The following SSPN variants were observed in gnomAD, a reference collection of about 807,000 sequenced individuals.
SSPN encodes the protein sarcospan.
In SSPN, 15 loss-of-function variants were observed where a neutral mutation model predicts 19.1. That is an observed-to-expected ratio of 0.78 (90% CI 0.52 to 1.21). The LOEUF is 1.21. Among genes scored for constraint, SSPN ranks in the 50% most tolerant of loss-of-function variants. The probability of loss-of-function intolerance (pLI) is 0.00; values close to 1 mark genes in which losing one functional copy is unlikely to be tolerated. For missense variants in SSPN, 291 were observed against 314.0 expected, an observed-to-expected ratio of 0.93 and a Z score of 0.55; for synonymous variants, 147 against 140.3, an observed-to-expected ratio of 1.05 and a Z score of -0.34.
chr12:26,204,565 G>A (rs1944914636), intron 1 of SSPN, among the ~76,000 whole-genome samples: 1 of 152,134 alleles, frequency 6.6e-6, no homozygotes, highest in African/African-American at 2.4e-5. Flanking sequence ...ATGCTTATAT[G>A]TTCAGCCATT....
chr12:26,191,675 TCTACACACACACACACACAC>T (rs975031959), upstream of SSPN, among the ~76,000 whole-genome samples: 28 of 111,712 alleles, frequency 2.5e-4, no homozygotes, highest in African/African-American at 8.9e-4. Flanking sequence ...TTTAATTTGT[TCTACACACACACACACACAC>T]ACACACACAC....
intron 1 of SSPN, chr12:26,180,984 T>A (rs916563609): frequency 6.6e-6 from 1 of 152,244 alleles, no homozygotes; most frequent in Non-Finnish European, 1.5e-5. Context: ...TTCACTAGAC[T>A]GGCCACTCCA....
chr12:26,174,507 T>TCCTTCCTTCCTTCCTTCCTTCCCTC (rs1555177716), intron 1 of SSPN, among the ~76,000 whole-genome samples: 1 of 116,750 alleles, frequency 8.6e-6, no homozygotes, highest in African/African-American at 4.1e-5. Flanking sequence ...TTCCTTCCCT[T>TCCTTCCTTCCTTCCTTCCTTCCCTC]CCTTCCTTCC....
At chr12:26,180,708 G>T (rs1363449276) in intron 1 of SSPN, 1 of 152,138 alleles carries the variant, frequency 6.6e-6, no homozygotes, top group Non-Finnish European at 1.5e-5. Context: ...CAGTACTTGA[G>T]ATCTTTTGAG....
chr12:26,127,572 CTCTTCTTTTCT>C (rs1337356776), intron 1 of SSPN, among the ~76,000 whole-genome samples: 1 of 152,052 alleles, frequency 6.6e-6, no homozygotes, highest in Non-Finnish European at 1.5e-5. Context: ...TCCCCTTTTC[CTCTTCTTTTCT>C]GTCTTTCCTT....
At position 26,221,720 on chromosome 12, in the gene SSPN, T is replaced by C. The variant is rs532507390; in HGVS notation, c.280-2573T>C. Among the ~76,000 whole-genome samples, 3 of 152,330 alleles carry C rather than the reference T, an allele frequency of 2.0e-5. No individual in the cohort carries two copies. In the South Asian group the frequency reaches 6.2e-4, roughly 32 times the overall value. On this transcript the variant is annotated intron_variant, in intron 1 of 2. Transcript: ENST00000242729. ...ATGGAGACAAAGAGGAAAGTCTTGGTAATTGCCAACTTCAGCTGGTAGTCT... is the reference window on the plus strand; with the variant it reads ...ATGGAGACAAAGAGGAAAGTCTTGGCAATTGCCAACTTCAGCTGGTAGTCT...
At position 26,230,834 on chromosome 12, in the gene SSPN, T is replaced by G; in HGVS notation, c.490T>G (p.Cys164Gly). The G allele has an allele frequency of 6.2e-7, 1 of 1,614,208 alleles. No homozygotes were observed. Among genetic ancestry groups the G allele is most frequent in the African/African-American group, 1.3e-5 (1 of 75,066 alleles). ...TGAGACCACACTCGACTCTTGCCAG[T>G]GCAAACTGCCCTCCTCGGAGCCGCT... ...TCETTLDSCQ[C>G]KLPSSEPLSR... The change falls in exon 3 of 3, where the codon TGC becomes GGC. Residue 164 changes from cysteine to glycine, a missense_variant. Cys to Gly is a radical substitution (Grantham distance 159). Coordinates refer to ENST00000242729, the MANE Select transcript of SSPN (RefSeq NM_005086.5).
intron 2 of SSPN, among the ~76,000 whole-genome samples, chr12:26,226,214 T>TTTTCCA (rs1331621250): frequency 6.6e-6 from 1 of 152,134 alleles, no homozygotes; most frequent in African/African-American, 2.4e-5. Flanking sequence ...CATCTCCAGA[T>TTTTCCA]TTTCCAATGA....
In SSPN at chr12:26,232,316, T is replaced by C; in HGVS notation, c.*1240T>C. On this transcript the variant is annotated 3_prime_UTR_variant, in exon 3 of 3. Coordinates refer to ENST00000242729, the MANE Select transcript of SSPN (RefSeq NM_005086.5). ...GAGGGTAGTTTTAGTTGTTTTGTTT[T>C]TAAGTGACTGTGGTTTAAAGCACAA... 1.0e-6 allele frequency: 1 copy of C among 985,458 alleles called. No homozygotes were observed. The highest frequency in any genetic ancestry group is 1.2e-6 in the Non-Finnish European group (1 of 829,942). 61.0% of individuals were successfully genotyped at this position (985,458 alleles called of 1,614,324 possible).
At position 26,232,835 on chromosome 12, in the gene SSPN, G is replaced by A. The variant is rs191760141; in HGVS notation, c.*1759G>A. ...CTAAAAAGACACATTGGAGAGCTTAGAGGATAAGTCTCTGGAGCAGAATTT... is the reference window on the plus strand; with the variant it reads ...CTAAAAAGACACATTGGAGAGCTTAAAGGATAAGTCTCTGGAGCAGAATTT... On this transcript the variant is annotated 3_prime_UTR_variant, in exon 3 of 3. Coordinates refer to ENST00000242729, the MANE Select transcript of SSPN (RefSeq NM_005086.5). 5 of 500,054 alleles carry A rather than the reference G, an allele frequency of 1.0e-5. No homozygotes were observed. The East Asian group carries it at 7.7e-4, about 77-fold the overall frequency. 31.0% of individuals were successfully genotyped at this position (500,054 alleles called of 1,614,324 possible).
chr12:26,142,278 G>A (rs1944465217), intron 1 of SSPN, among the ~76,000 whole-genome samples: 1 of 152,188 alleles, frequency 6.6e-6, no homozygotes, highest in Non-Finnish European at 1.5e-5. Context: ...GTATATTGAA[G>A]GGGAGGTAAT....
chr12:26,155,072 C>T (rs865956181), intron 1 of SSPN, among the ~76,000 whole-genome samples: 3 of 152,060 alleles, frequency 2.0e-5, no homozygotes, highest in Admixed American at 6.6e-5. Flanking sequence ...TATTGAATAT[C>T]GACTTTTTAG....
At chr12:26,199,550 A>T (rs907240467) in intron 1 of SSPN, among the ~76,000 whole-genome samples, 2 of 152,204 alleles carry the variant, frequency 1.3e-5, no homozygotes, top group Non-Finnish European at 2.9e-5. Context: ...GGTACAGAGG[A>T]TCCTAGGACA....
At chr12:26,219,820 C>T (rs572987997) in intron 1 of SSPN, among the ~76,000 whole-genome samples, 10 of 152,324 alleles carry the variant, frequency 6.6e-5, no homozygotes, top group South Asian at 4.1e-4. Context: ...CACACACGTG[C>T]CATTTGCCTT....
rs113485828 is a variant in SSPN, at chr12:26,220,519, A to G, written c.280-3774A>G. On this transcript the variant is annotated intron_variant, in intron 1 of 2. Coordinates refer to ENST00000242729, the MANE Select transcript of SSPN (RefSeq NM_005086.5). The stretch of plus-strand genomic sequence containing the variant: ...TGTTCAAAAAATTCAAAGATTCTTC[A>G]TAACTGGGTAACTAACTAACATAAC... Among the ~76,000 whole-genome samples the G allele has an allele frequency of 5.8e-3, 881 of 152,350 alleles. 3 individuals carry two copies. The highest frequency in any genetic ancestry group is 0.014 in the Middle Eastern group (4 of 294).
At chr12:26,228,367 C>T (rs1388759937) in intron 2 of SSPN, among the ~76,000 whole-genome samples, 1 of 139,280 alleles carries the variant, frequency 7.2e-6, no homozygotes, top group African/African-American at 2.8e-5. Context: ...CCACTGCACT[C>T]TGTCTCAAAA....
chr12:26,229,426 T>G (rs1023118529), intron 2 of SSPN, among the ~76,000 whole-genome samples: 1 of 152,118 alleles, frequency 6.6e-6, no homozygotes, highest in South Asian at 2.1e-4. Flanking sequence ...AAAGTAAAAA[T>G]GTAAATACAG....
At chr12:26,188,073 T>C (rs1411161704) in intron 1 of SSPN, among the ~76,000 whole-genome samples, 1 of 152,196 alleles carries the variant, frequency 6.6e-6, no homozygotes, top group Non-Finnish European at 1.5e-5. Flanking sequence ...ACTATTGTAC[T>C]TATAGTTCAT....
intron 1 of SSPN, among the ~76,000 whole-genome samples, chr12:26,169,948 G>A (rs536230516): frequency 3.3e-5 from 5 of 152,232 alleles, no homozygotes; most frequent in African/African-American, 9.6e-5. Flanking sequence ...CTCCTCCCAC[G>A]GATTTGACCT....
Sources: allele counts gnomAD v4.1 joint callset (sites outside exome capture counted in the v4.1 genomes callset), GRCh38; gene constraint gnomAD v4.1.1; transcripts MANE v1.5; gene names NCBI Gene and HGNC (gene_info 2026-07-23, HGNC 2026-07-21).